The following DPYS variants were observed in gnomAD, a reference collection of about 807,000 sequenced individuals.
DPYS encodes the protein dihydropyrimidine amidohydrolase.
Under a neutral mutation model 50.3 loss-of-function variants are expected in DPYS, and 39 were observed. The observed-to-expected ratio is 0.78, with a 90% CI of 0.60 to 1.01. The LOEUF (loss-of-function observed/expected upper bound fraction) is 1.01, where lower values mean the gene tolerates loss of function less well. Among genes scored for constraint, DPYS ranks in the 50% least tolerant of loss-of-function variants. The pLI, the probability that DPYS is intolerant of heterozygous loss-of-function variation, is 0.00. For missense variants in DPYS, 659 were observed against 680.9 expected, an observed-to-expected ratio of 0.97 and a Z score of 0.36; for synonymous variants, 245 against 250.7, an observed-to-expected ratio of 0.98 and a Z score of 0.22.
intron 7 of DPYS, among the ~76,000 whole-genome samples, chr8:104,397,790 T>C (rs1168039598): frequency 2.6e-5 from 4 of 152,242 alleles, no homozygotes; most frequent in Non-Finnish European, 5.9e-5. Flanking sequence ...TAATATTGAA[T>C]GAACTTGTGA....
intron 3 of DPYS, among the ~76,000 whole-genome samples, chr8:104,445,998 T>A (rs1813515746): frequency 6.6e-6 from 1 of 152,106 alleles, no homozygotes. Flanking sequence ...TGAGCTGAGA[T>A]CGCACCACTG....
At chr8:104,419,635 C>T (rs549139439) in intron 7 of DPYS, 3 of 152,236 alleles carry the variant, frequency 2.0e-5, no homozygotes, top group East Asian at 1.9e-4. Context: ...TGTGATCTTC[C>T]TCCCGCAAAC....
intron 7 of DPYS, among the ~76,000 whole-genome samples, chr8:104,405,351 C>T (rs1003806398): frequency 6.6e-6 from 1 of 152,204 alleles, no homozygotes; most frequent in Non-Finnish European, 1.5e-5. Context: ...ACTCTATTCT[C>T]CTGCCCCAGT....
At chr8:104,450,449 A>C (rs996160595) in intron 2 of DPYS, among the ~76,000 whole-genome samples, 5 of 152,226 alleles carry the variant, frequency 3.3e-5, no homozygotes, top group African/African-American at 1.2e-4. Flanking sequence ...TTCTGGTAAA[A>C]AGATTGCTGA....
At chr8:104,452,066 C>A (rs767088910) in intron 1 of DPYS, among the ~76,000 whole-genome samples, 4 of 152,162 alleles carry the variant, frequency 2.6e-5, no homozygotes, top group Non-Finnish European at 4.4e-5. Context: ...AAAAATGTAA[C>A]CACTTGACTC....
At chr8:104,424,461 C>T (rs1812653419) in intron 6 of DPYS, 72 bp from the exon 7 acceptor site, 1 of 1,498,200 alleles carries the variant, frequency 6.7e-7, no homozygotes. Context: ...AATGACAAGA[C>T]TTGCATCTCT....
At chr8:104,444,624 A>G (rs114775626) in intron 3 of DPYS, among the ~76,000 whole-genome samples, 187 bp from the exon 4 acceptor site, 1 of 152,134 alleles carries the variant, frequency 6.6e-6, no homozygotes, top group East Asian at 1.9e-4. Context: ...TATATATATA[A>G]CATGTATATT....
chr8:104,466,747 G>A lies in DPYS; in HGVS notation c.174C>T (p.Leu58=), dbSNP rs756314309. ...GTGTGTCGATGCCTCCGGGCAGGAC[G>A]AGCTTGCCGGCGGCGTCGAGGACCC... The part of the protein sequence containing the change: ...GLRVLDAAGK[L]VLPGGIDTHT... The change falls in exon 1 of 10, where the codon CTC becomes CTT. Residue 58 remains leucine, a synonymous_variant. Transcript: ENST00000351513. 9.1e-6 allele frequency: 14 copies of A among 1,535,328 alleles called. No individual in the cohort carries two copies. The highest frequency in any genetic ancestry group is 2.0e-5 in the Admixed American group (1 of 50,834).
At chr8:104,436,019 G>C (rs1030669036) in intron 4 of DPYS, among the ~76,000 whole-genome samples, 2 of 152,104 alleles carry the variant, frequency 1.3e-5, no homozygotes, top group Non-Finnish European at 2.9e-5. Flanking sequence ...GAGGAGGTCT[G>C]GGTCTGTCAA....
chr8:104,427,174 C>G (rs1282969263), intron 6 of DPYS, among the ~76,000 whole-genome samples: 7 of 147,968 alleles, frequency 4.7e-5, no homozygotes, highest in African/African-American at 1.8e-4. Flanking sequence ...GCACTCCAGT[C>G]CGGGCAACAG....
intron 7 of DPYS, among the ~76,000 whole-genome samples, chr8:104,404,387 GT>G: frequency 6.6e-6 from 1 of 152,308 alleles, no homozygotes; most frequent in East Asian, 1.9e-4. Context: ...AGGCTAGGAA[GT>G]TTTACCTAAT....
rs376965972 is a variant in DPYS at position 104,428,008 on chromosome 8, C to A, written c.1064G>T (p.Arg355Leu). 1 of 1,614,190 alleles carries A rather than the reference C, an allele frequency of 6.2e-7. No homozygotes were observed. The highest frequency in any genetic ancestry group is 8.5e-7 in the Non-Finnish European group (1 of 1,180,038). ...GCCTTTTTCCCATATTACGGACATC[C>A]GATCTTCAACACCATTCACCCCATT... ...IPNGVNGVED[R>L]MSVIWEKGVH... The change falls in exon 6 of 10, where the codon CGG (arginine) becomes CTG (leucine). Residue 355 changes from arginine to leucine, a missense_variant. Transcript: ENST00000351513.
chr8:104,465,678 G>T (rs533577819), intron 1 of DPYS, among the ~76,000 whole-genome samples: 1 of 152,084 alleles, frequency 6.6e-6, no homozygotes, highest in African/African-American at 2.4e-5. Flanking sequence ...GACAGCCAAT[G>T]AACTAAGAAA....
At chr8:104,427,928 G>A (rs1017870623) in intron 6 of DPYS, 52 bp downstream of exon 6, 117 of 1,612,664 alleles carry the variant, frequency 7.3e-5, no homozygotes, top group Non-Finnish European at 9.0e-5. Context: ...CAAATGGGCA[G>A]GATCCTGGCT....
intron 7 of DPYS, among the ~76,000 whole-genome samples, chr8:104,400,981 C>T (rs138170948): frequency 2.0e-5 from 3 of 152,312 alleles, no homozygotes; most frequent in East Asian, 3.9e-4. Flanking sequence ...CAACACCACC[C>T]ATATGCATTC....
intron 7 of DPYS, among the ~76,000 whole-genome samples, chr8:104,396,835 A>G (rs1811606980): frequency 6.6e-6 from 1 of 151,992 alleles, no homozygotes; most frequent in Admixed American, 6.6e-5. Flanking sequence ...CAAAAAAAAA[A>G]AAAAAGGTCA....
At chr8:104,459,637 G>GT (rs1002810142) in intron 1 of DPYS, among the ~76,000 whole-genome samples, 1 of 152,122 alleles carries the variant, frequency 6.6e-6, no homozygotes, top group African/African-American at 2.4e-5. Context: ...GAGAATAGGT[G>GT]TTTTTTTGTT....
At chr8:104,461,663 G>C (rs1482375415) in intron 1 of DPYS, among the ~76,000 whole-genome samples, 1 of 152,190 alleles carries the variant, frequency 6.6e-6, no homozygotes, top group Non-Finnish European at 1.5e-5. Flanking sequence ...AAACTTGAAG[G>C]AGAGGTCACA....
chr8:104,384,982 T>G (rs1811166699), intron 8 of DPYS, among the ~76,000 whole-genome samples: 1 of 152,206 alleles, frequency 6.6e-6, no homozygotes, highest in Non-Finnish European at 1.5e-5. Context: ...GAGCTCTATC[T>G]TAAGCCCCCT....
Sources: gnomAD v4.1 joint callset for allele counts (sites outside exome capture counted in the v4.1 genomes callset) on GRCh38, gnomAD v4.1.1 for gene constraint, MANE v1.5 for transcripts, NCBI Gene and HGNC (gene_info 2026-07-23, HGNC 2026-07-21) for gene names.